Variants in IQCM observed in about 807,000 individuals in gnomAD.
IQCM encodes the protein IQ motif containing M.
Under a neutral mutation model 57.6 loss-of-function variants are expected in IQCM, and 45 were observed. The ratio of observed to expected loss-of-function variants is 0.78; its 90% CI spans 0.62 to 1.00. The LOEUF (loss-of-function observed/expected upper bound fraction) is 1.00. Ranked by LOEUF, IQCM falls within the 50% of genes least tolerant of loss-of-function variation. The pLI is 0.00. For synonymous variants in IQCM, 148 were observed against 158.9 expected, an observed-to-expected ratio of 0.93 and a Z score of 0.51; for missense variants, 468 against 511.6, an observed-to-expected ratio of 0.91 and a Z score of 0.82.
intron 7 of IQCM, among the ~76,000 whole-genome samples, chr4:149,644,231 C>T (rs1273491807): frequency 6.6e-6 from 1 of 152,102 alleles, no homozygotes; most frequent in Non-Finnish European, 1.5e-5. Flanking sequence ...ATACCTACAG[C>T]TTTTGATAGT....
At chr4:149,443,716 A>AAGGAC (rs1560845187) in intron 12 of IQCM, among the ~76,000 whole-genome samples, 6 of 150,432 alleles carry the variant, frequency 4.0e-5, no homozygotes, top group Non-Finnish European at 7.4e-5. Context: ...AAGGAAAGGA[A>AAGGAC]AGGAAAGGAA....
intron 7 of IQCM, among the ~76,000 whole-genome samples, chr4:149,649,692 C>G (rs759787525): frequency 9.9e-5 from 15 of 152,132 alleles, no homozygotes; most frequent in Non-Finnish European, 2.1e-4. Flanking sequence ...AAACAAAGCA[C>G]TATTCCAAGG....
At chr4:149,764,006 C>T (rs1227109043) in intron 2 of IQCM, among the ~76,000 whole-genome samples, 3 of 152,008 alleles carry the variant, frequency 2.0e-5, no homozygotes, top group Non-Finnish European at 2.9e-5. Context: ...AAAAAATCCT[C>T]AAATTACCTT....
intron 9 of IQCM, among the ~76,000 whole-genome samples, chr4:149,580,231 A>G (rs1752051209): frequency 6.6e-6 from 1 of 151,844 alleles, no homozygotes; most frequent in South Asian, 2.1e-4. Context: ...ATAATTTTCC[A>G]TAGAAATCTG....
intron 12 of IQCM, among the ~76,000 whole-genome samples, chr4:149,455,535 C>T (rs1737604468): frequency 6.6e-6 from 1 of 152,098 alleles, no homozygotes; most frequent in Admixed American, 6.6e-5. Flanking sequence ...CTCCCAGACA[C>T]TCAGTGTATA....
At chr4:149,555,828 G>A (rs1454800587) in intron 10 of IQCM, among the ~76,000 whole-genome samples, 2 of 152,166 alleles carry the variant, frequency 1.3e-5, no homozygotes, top group Admixed American at 1.3e-4. Context: ...GGCAACCACC[G>A]ACTTCAATTT....
At chr4:149,562,108 C>T (rs1179875629) in intron 10 of IQCM, among the ~76,000 whole-genome samples, 4 of 152,030 alleles carry the variant, frequency 2.6e-5, no homozygotes, top group African/African-American at 7.2e-5. Context: ...ACAGGGAGGT[C>T]GTGTGTACTA....
intron 12 of IQCM, among the ~76,000 whole-genome samples, chr4:149,503,286 T>C (rs1042511536): frequency 1.3e-5 from 2 of 152,112 alleles, no homozygotes; most frequent in African/African-American, 4.8e-5. Flanking sequence ...TTCTGACCTA[T>C]AGAAATGCCT....
At chr4:149,428,776 G>GA (rs1050970986) in intron 13 of IQCM, among the ~76,000 whole-genome samples, 13 of 151,530 alleles carry the variant, frequency 8.6e-5, no homozygotes, top group East Asian at 3.9e-4. Flanking sequence ...TTTTTAATGG[G>GA]AAAAAAACAG....
chr4:149,591,375 C>T (rs180783977), intron 8 of IQCM, among the ~76,000 whole-genome samples: 32 of 152,020 alleles, frequency 2.1e-4, no homozygotes, highest in African/African-American at 7.5e-4. Flanking sequence ...CATTTAACTC[C>T]TATTAGCATA....
chr4:149,683,020 T>G (rs2150206874), intron 6 of IQCM, among the ~76,000 whole-genome samples: 1 of 151,338 alleles, frequency 6.6e-6, no homozygotes, highest in Non-Finnish European at 1.5e-5. Context: ...ACGCAAAATT[T>G]TATACTATTA....
chr4:149,604,805 T>C (rs1324095802), intron 8 of IQCM, among the ~76,000 whole-genome samples: 1 of 152,172 alleles, frequency 6.6e-6, no homozygotes, highest in Non-Finnish European at 1.5e-5. Context: ...TCATTACTTT[T>C]TAAGAAATTT....
intron 5 of IQCM, among the ~76,000 whole-genome samples, chr4:149,712,706 C>T (rs961242873): frequency 6.6e-6 from 1 of 152,088 alleles, no homozygotes; most frequent in African/African-American, 2.4e-5. Context: ...AGGTGTTTTT[C>T]AGGAGTACTT....
intron 12 of IQCM, among the ~76,000 whole-genome samples, chr4:149,501,859 G>A (rs1017409704): frequency 2.0e-5 from 3 of 152,174 alleles, no homozygotes; most frequent in Non-Finnish European, 4.4e-5. Context: ...AGCAGATCAG[G>A]AAGGTTGACC....
chr4:149,683,114 C>T (rs1329813563), intron 6 of IQCM, among the ~76,000 whole-genome samples: 1 of 151,028 alleles, frequency 6.6e-6, no homozygotes, highest in Admixed American at 6.6e-5. Context: ...CATAGATTTC[C>T]ATGTTATTTT....
intron 12 of IQCM, among the ~76,000 whole-genome samples, chr4:149,515,071 C>CGTGTGTGTGTGTGTGT (rs58534209): frequency 2.5e-4 from 36 of 142,906 alleles, no homozygotes; most frequent in South Asian, 7.0e-4. Context: ...TATATATACA[C>CGTGTGTGTGTGTGTGT]GTGTGTGTGT....
At chr4:149,500,186 T>G (rs1304424708) in intron 12 of IQCM, among the ~76,000 whole-genome samples, 1 of 152,172 alleles carries the variant, frequency 6.6e-6, no homozygotes, top group Non-Finnish European at 1.5e-5. Flanking sequence ...TAAGAAATGA[T>G]TAAATGAGAA....
chr4:149,611,489 A>G (rs1203479361), intron 8 of IQCM, among the ~76,000 whole-genome samples: 3 of 152,148 alleles, frequency 2.0e-5, no homozygotes, highest in Admixed American at 2.0e-4. Flanking sequence ...ACACAATAGA[A>G]TATTATTCAG....
At chr4:149,544,287 A>C (rs1331052418) in intron 12 of IQCM, among the ~76,000 whole-genome samples, 2 of 152,146 alleles carry the variant, frequency 1.3e-5, no homozygotes, top group Non-Finnish European at 2.9e-5. Flanking sequence ...TCTGAAAAAG[A>C]AATTAAGAAA....
Sources: gnomAD v4.1 joint callset for allele counts (sites outside exome capture counted in the v4.1 genomes callset) on GRCh38, gnomAD v4.1.1 for gene constraint, MANE v1.5 for transcripts, NCBI Gene and HGNC (gene_info 2026-07-23, HGNC 2026-07-21) for gene names.